The following SLC17A8 variants were observed in gnomAD, a reference collection of about 807,000 sequenced individuals.
SLC17A8 encodes solute carrier family 17 member 8, also known as vesicular glutamate transporter 3.
SLC17A8 carries 31 observed loss-of-function variants against 58.0 expected under a neutral mutation model. The observed-to-expected ratio is 0.53, with a 90% CI of 0.40 to 0.72. The LOEUF (loss-of-function observed/expected upper bound fraction) is 0.72. Ranked by LOEUF, SLC17A8 falls within the 30% of genes least tolerant of loss-of-function variation. The pLI is 0.00. For synonymous variants in SLC17A8, 228 were observed against 249.0 expected, an observed-to-expected ratio of 0.92 and a Z score of 0.79; for missense variants, 655 against 727.8, an observed-to-expected ratio of 0.90 and a Z score of 1.15.
At chr12:100,394,262 T>C (rs545553351) in intron 4 of SLC17A8, among the ~76,000 whole-genome samples, 4 of 152,328 alleles carry the variant, frequency 2.6e-5, no homozygotes, top group Non-Finnish European at 5.9e-5. Context: ...GTTATGCCCA[T>C]GTACAACTTG....
intron 1 of SLC17A8, among the ~76,000 whole-genome samples, chr12:100,375,946 A>G (rs562366624): frequency 8.5e-5 from 13 of 152,280 alleles, no homozygotes; most frequent in African/African-American, 3.1e-4. Flanking sequence ...ACCTCAGAAT[A>G]TGAGTATATT....
chr12:100,370,570 T>C (rs1952552032), intron 1 of SLC17A8, among the ~76,000 whole-genome samples: 1 of 148,618 alleles, frequency 6.7e-6, no homozygotes, highest in African/African-American at 2.5e-5. Context: ...GTGCTGGGGT[T>C]ACAGGCATGA....
At chr12:100,383,413 TAA>T (rs1952650624) in intron 2 of SLC17A8, among the ~76,000 whole-genome samples, 1 of 152,218 alleles carries the variant, frequency 6.6e-6, no homozygotes, top group Admixed American at 6.5e-5. Context: ...AGTACAGCTC[TAA>T]TTTATAGCAG....
rs1952920501 is a variant in SLC17A8, at chr12:100,418,162, G to T, written c.1425+6G>T. On this transcript the variant is annotated splice_donor_region_variant and intron_variant, in intron 11 of 11. Transcript: ENST00000323346. Reference sequence around the variant, plus strand: ...GTGCAATGACCAGGCACAAGGTAAAGGTCTCCTTTGTGGCTATGGGTTACA... The same window carrying T: ...GTGCAATGACCAGGCACAAGGTAAATGTCTCCTTTGTGGCTATGGGTTACA... 1 of 1,614,080 alleles carries T rather than the reference G, an allele frequency of 6.2e-7. No homozygotes were observed. The highest frequency in any genetic ancestry group is 1.7e-5 in the Admixed American group (1 of 60,024).
chr12:100,362,827 C>T (rs1365429578), intron 1 of SLC17A8, among the ~76,000 whole-genome samples: 6 of 152,058 alleles, frequency 3.9e-5, no homozygotes, highest in Admixed American at 3.9e-4. Flanking sequence ...TTTTGATTTC[C>T]CTCACTTCTG....
At chr12:100,409,531 G>A (rs1952851930) in intron 9 of SLC17A8, among the ~76,000 whole-genome samples, 1 of 152,122 alleles carries the variant, frequency 6.6e-6, no homozygotes, top group African/African-American at 2.4e-5. Flanking sequence ...CAGACTCTGT[G>A]TTAAATATAC....
At chr12:100,400,404 C>T (rs963000873) in intron 5 of SLC17A8, among the ~76,000 whole-genome samples, 1 of 152,146 alleles carries the variant, frequency 6.6e-6, no homozygotes, top group Non-Finnish European at 1.5e-5. Context: ...TACAAAGCAT[C>T]TTCACATACA....
At position 100,380,899 on chromosome 12, in the gene SLC17A8, T is replaced by C. The variant is rs1054669386; in HGVS notation, c.300T>C (p.Ile100=). 8.1e-6 allele frequency: 13 copies of C among 1,614,038 alleles called. No individual in the cohort carries two copies. The highest frequency in any genetic ancestry group is 1.7e-5 in the Admixed American group (1 of 59,994). ...TCCGGTGCAATCTTGGAGTTGCCAT[T>C]GTGGAAATGGTCAACAATAGCACCG... ...FGIRCNLGVA[I]VEMVNNSTVY... Residue 100 remains isoleucine (I), a synonymous_variant, in exon 2 of 12, where the codon ATT becomes ATC. Coordinates refer to ENST00000323346, the MANE Select transcript of SLC17A8 (RefSeq NM_139319.3).
chr12:100,417,353 C>T (rs1445226629), intron 10 of SLC17A8, among the ~76,000 whole-genome samples: 1 of 152,240 alleles, frequency 6.6e-6, no homozygotes, highest in African/African-American at 2.4e-5. Flanking sequence ...GTCTCTATCA[C>T]AGCACCTCTG....
At chr12:100,413,976 C>T (rs1952889069) in intron 10 of SLC17A8, among the ~76,000 whole-genome samples, 1 of 150,660 alleles carries the variant, frequency 6.6e-6, no homozygotes, top group Admixed American at 6.6e-5. Flanking sequence ...GACCCCTTCT[C>T]AAGAAAAAAA....
At chr12:100,402,035 TA>T (rs1241759556) in intron 6 of SLC17A8, among the ~76,000 whole-genome samples, 172 bp downstream of exon 6, 1 of 152,146 alleles carries the variant, frequency 6.6e-6, no homozygotes, top group Non-Finnish European at 1.5e-5. Flanking sequence ...AAAGTTGACC[TA>T]AAAAAATAAG....
intron 2 of SLC17A8, among the ~76,000 whole-genome samples, chr12:100,384,302 A>T (rs1351922362): frequency 1.3e-5 from 2 of 152,090 alleles, no homozygotes; most frequent in Non-Finnish European, 2.9e-5. Context: ...GGCTCGAGTT[A>T]AAAGGGGATT....
chr12:100,361,372 C>T (rs1399283975), intron 1 of SLC17A8, among the ~76,000 whole-genome samples: 6 of 152,252 alleles, frequency 3.9e-5, no homozygotes, highest in Admixed American at 6.5e-5. Flanking sequence ...CCTGTCCCGG[C>T]TTTCGCCCTG....
chr12:100,406,329 T>C (rs1011247879), intron 9 of SLC17A8, among the ~76,000 whole-genome samples: 1 of 152,104 alleles, frequency 6.6e-6, no homozygotes, highest in African/African-American at 2.4e-5. Context: ...GAGGGAATAG[T>C]ATGTGCAATG....
At position 100,402,342 on chromosome 12, in the gene SLC17A8, A is replaced by T; in HGVS notation, c.766A>T (p.Met256Leu). The change falls in exon 7 of 12, where the codon ATG becomes TTG. Residue 256 changes from methionine to leucine, a missense_variant and splice_region_variant. Transcript: ENST00000323346. ...GWSSVFYIYGMFGIIWYMFWL... is the reference protein window; with the variant it reads ...GWSSVFYIYGLFGIIWYMFWL... ...AGCCTTTTCTTTTTTAACTGCAGGC[A>T]TGTTTGGGATTATTTGGTACATGTT... 1 of 1,614,106 alleles carries T rather than the reference A, an allele frequency of 6.2e-7. No homozygotes were observed. The highest frequency in any genetic ancestry group is 1.1e-5 in the South Asian group (1 of 91,078).
intron 1 of SLC17A8, among the ~76,000 whole-genome samples, chr12:100,378,919 C>T (rs573403504): frequency 6.6e-6 from 1 of 152,340 alleles, no homozygotes; most frequent in South Asian, 2.1e-4. Flanking sequence ...ATAAAACCCA[C>T]ATCATCCAGT....
intron 4 of SLC17A8, among the ~76,000 whole-genome samples, chr12:100,394,704 C>T (rs931838359): frequency 3.4e-5 from 5 of 148,700 alleles, no homozygotes; most frequent in Non-Finnish European, 7.4e-5. Context: ...CACCCAGCCA[C>T]TAGTTACATC....
chr12:100,388,639 T>C (rs2135992781), intron 2 of SLC17A8, among the ~76,000 whole-genome samples: 1 of 152,314 alleles, frequency 6.6e-6, no homozygotes, highest in East Asian at 1.9e-4. Flanking sequence ...CACCTAACAT[T>C]GCATTCAGGA....
intron 1 of SLC17A8, among the ~76,000 whole-genome samples, chr12:100,377,952 A>G (rs1173331206): frequency 6.6e-6 from 1 of 152,200 alleles, no homozygotes; most frequent in Non-Finnish European, 1.5e-5. Context: ...TATGATGAGA[A>G]TAACTTCAGG....
Sources: gnomAD v4.1 joint callset for allele counts (sites outside exome capture counted in the v4.1 genomes callset) on GRCh38, gnomAD v4.1.1 for gene constraint, MANE v1.5 for transcripts, NCBI Gene and HGNC (gene_info 2026-07-23, HGNC 2026-07-21) for gene names.